The following CAPN9 variants were observed in gnomAD, a reference collection of about 807,000 sequenced individuals.
CAPN9 encodes calpain 9, also known as calpain-9.
CAPN9 carries 81 observed loss-of-function variants against 92.8 expected under a neutral mutation model. The ratio of observed to expected loss-of-function variants is 0.87; its 90% CI spans 0.73 to 1.05. CAPN9 has a LOEUF of 1.05. Among genes scored for constraint, CAPN9 ranks in the 50% least tolerant of loss-of-function variants. The probability of loss-of-function intolerance (pLI) is 0.00; values close to 1 mark genes in which losing one functional copy is unlikely to be tolerated. For synonymous variants in CAPN9, 304 were observed against 328.0 expected (o/e 0.93, Z 0.79); for missense variants, 848 against 866.2 (o/e 0.98, Z 0.26).
At chr1:230,793,844 C>T (rs993994758) in intron 17 of CAPN9, among the ~76,000 whole-genome samples, 2 of 152,184 alleles carry the variant, frequency 1.3e-5, no homozygotes, top group Admixed American at 6.5e-5. Flanking sequence ...GACTCTGTTT[C>T]CATGGTAGGA....
chr1:230,781,226 TC>T (rs3838461), intron 11 of CAPN9, among the ~76,000 whole-genome samples: 33,656 of 152,042 alleles, frequency 0.22, 4,036 homozygotes, highest in African/African-American at 0.32. Context: ...CTAGCTCTGC[TC>T]CCTCGCTCCC....
At chr1:230,792,534 A>C (rs1276185846) in intron 16 of CAPN9, 40 bp downstream of exon 16, 5 of 1,498,798 alleles carry the variant, frequency 3.3e-6, no homozygotes, top group Non-Finnish European at 9.3e-7. Context: ...TGGGGGACCC[A>C]GTGAACCTAG....
intron 15 of CAPN9, among the ~76,000 whole-genome samples, 161 bp from the exon 16 acceptor site, chr1:230,792,265 A>G (rs995709625): frequency 6.6e-6 from 1 of 152,028 alleles, no homozygotes; most frequent in Non-Finnish European, 1.5e-5. Context: ...CCCTCTTCAG[A>G]GATTTGTGGT....
At chr1:230,772,181 T>C in intron 7 of CAPN9, 82 bp downstream of exon 7, 1 of 1,114,360 alleles carries the variant, frequency 9.0e-7, no homozygotes, top group South Asian at 1.3e-5. Context: ...TGTGAAGGAG[T>C]GGCCTGTCTA....
rs1012217126 is a variant in CAPN9 at position 230,767,589 on chromosome 1, C to T, written c.585C>T (p.Ala195=). The change falls in exon 5 of 20, where the codon GCC becomes GCT. Residue 195 remains alanine (A), a synonymous_variant. Coordinates refer to ENST00000271971, the MANE Select transcript of CAPN9 (RefSeq NM_006615.3). ...TGAAGGGAGGCAGCGCCATCGAGGC[C>T]ATGGAAGACTTCACTGGGGGTGTGG... ...EALKGGSAIE[A]MEDFTGGVAE... is the part of the protein sequence containing the mutation. 1 of 1,613,686 alleles carries T rather than the reference C, an allele frequency of 6.2e-7. No individual in the cohort carries two copies. The highest frequency in any genetic ancestry group is 8.5e-7 in the Non-Finnish European group (1 of 1,179,788).
intron 14 of CAPN9, among the ~76,000 whole-genome samples, chr1:230,790,654 T>C (rs1290763427): frequency 6.6e-6 from 1 of 152,144 alleles, no homozygotes; most frequent in Non-Finnish European, 1.5e-5. Context: ...ATAAAAGGAA[T>C]CATAGGCCGG....
intron 2 of CAPN9, among the ~76,000 whole-genome samples, chr1:230,757,011 TGGAAGGAA>T (rs1185102067): frequency 0.048 from 4,105 of 85,120 alleles, 79 homozygotes; most frequent in South Asian, 0.098. Flanking sequence ...GGAGGGAGGA[TGGAAGGAA>T]GGAAGGAAGG....
At chr1:230,771,490 A>G (rs570528454) in intron 6 of CAPN9, among the ~76,000 whole-genome samples, 1 of 152,340 alleles carries the variant, frequency 6.6e-6, no homozygotes, top group Admixed American at 6.5e-5. Flanking sequence ...AAGACGTAAA[A>G]GCTGTTTTTG....
At chr1:230,755,748 A>G (rs537821828) in intron 2 of CAPN9, among the ~76,000 whole-genome samples, 1 of 152,326 alleles carries the variant, frequency 6.6e-6, no homozygotes, top group South Asian at 2.1e-4. Flanking sequence ...TCTCCCCAGC[A>G]CACATTGCCT....
chr1:230,760,136 C>G (rs535504697), intron 3 of CAPN9, among the ~76,000 whole-genome samples: 1 of 152,216 alleles, frequency 6.6e-6, no homozygotes, highest in East Asian at 1.9e-4. Flanking sequence ...GAGAGGCTTG[C>G]CCCCAGGAGA....
At chr1:230,761,555 A>AACACACACACACAC (rs147168033) in intron 3 of CAPN9, among the ~76,000 whole-genome samples, 285 of 150,620 alleles carry the variant, frequency 1.9e-3, no homozygotes, top group Non-Finnish European at 2.1e-3. Flanking sequence ...TCTTCCTTAA[A>AACACACACACACAC]ACACACACAC....
At chr1:230,795,406 T>A (rs1047943434) in intron 18 of CAPN9, 127 bp downstream of exon 18, 6 of 640,382 alleles carry the variant, frequency 9.4e-6, no homozygotes, top group Admixed American at 6.9e-5. Context: ...TGGTCTGATG[T>A]GTGTGGACCC....
At chr1:230,759,951 A>G (rs1410896911) in intron 3 of CAPN9, among the ~76,000 whole-genome samples, 1 of 152,254 alleles carries the variant, frequency 6.6e-6, no homozygotes, top group African/African-American at 2.4e-5. Flanking sequence ...TGACTAAACC[A>G]ATTATACCTC....
At chr1:230,749,807 C>T (rs1269660397) in intron 1 of CAPN9, among the ~76,000 whole-genome samples, 2 of 152,208 alleles carry the variant, frequency 1.3e-5, no homozygotes, top group Non-Finnish European at 2.9e-5. Flanking sequence ...AGAATCAGTG[C>T]TGGTCCTTGT....
chr1:230,774,221 C>T (rs906086078), intron 7 of CAPN9, among the ~76,000 whole-genome samples: 2 of 152,260 alleles, frequency 1.3e-5, no homozygotes, highest in African/African-American at 4.8e-5. Context: ...AGTCAGCAGA[C>T]TTGTGGCTTC....
chr1:230,785,165 G>A (rs939143031), intron 11 of CAPN9, among the ~76,000 whole-genome samples: 3 of 152,196 alleles, frequency 2.0e-5, no homozygotes, highest in African/African-American at 4.8e-5. Flanking sequence ...GTATAAAATG[G>A]AATTTGTATA....
At chr1:230,784,998 T>G (rs1029660869) in intron 11 of CAPN9, among the ~76,000 whole-genome samples, 2 of 152,262 alleles carry the variant, frequency 1.3e-5, no homozygotes, top group Admixed American at 6.5e-5. Flanking sequence ...GTTCCCTGGA[T>G]GTAGGACATG....
intron 8 of CAPN9, among the ~76,000 whole-genome samples, chr1:230,778,708 G>A (rs1035978867): frequency 2.1e-4 from 32 of 151,956 alleles, no homozygotes; most frequent in East Asian, 1.9e-4. Flanking sequence ...CCACCCCTAC[G>A]CTCCCATCCT....
chr1:230,789,519 G>T (rs1425812518), intron 13 of CAPN9, among the ~76,000 whole-genome samples: 1 of 148,352 alleles, frequency 6.7e-6, no homozygotes, highest in East Asian at 2.0e-4. Context: ...CTCAGGGCAA[G>T]GTCTGAGACT....
Sources: allele counts gnomAD v4.1 joint callset (sites outside exome capture counted in the v4.1 genomes callset), GRCh38; gene constraint gnomAD v4.1.1; transcripts MANE v1.5; gene names NCBI Gene and HGNC (gene_info 2026-07-23, HGNC 2026-07-21).